RABGAP1L: variants seen among roughly 807,000 people sequenced by gnomAD.
RABGAP1L encodes the protein rab GTPase-activating protein 1-like.
RABGAP1L carries 63 observed loss-of-function variants against 137.7 expected under a neutral mutation model. That is an observed-to-expected ratio of 0.46 (90% CI 0.37 to 0.56). The LOEUF is 0.56. RABGAP1L is among the 20% of genes least tolerant of loss of function. The pLI is 0.00. For missense variants in RABGAP1L, 1,095 were observed against 1,244.0 expected (o/e 0.88, Z 1.80); for synonymous variants, 431 against 433.7 (o/e 0.99, Z 0.08).
At chr1:174,777,192 T>C (rs1256364388) in intron 18 of RABGAP1L, among the ~76,000 whole-genome samples, 1 of 152,230 alleles carries the variant, frequency 6.6e-6, no homozygotes, top group African/African-American at 2.4e-5. Flanking sequence ...AATAAGAATT[T>C]TTTTTCTTTT....
rs1281573171 is a variant in RABGAP1L, at chr1:174,667,259, T to C, written c.1825-16263T>C. Among the ~76,000 whole-genome samples, 6 of 152,102 alleles carry C rather than the reference T, an allele frequency of 3.9e-5. No individual in the cohort carries two copies. The East Asian group carries it at 1.2e-3, about 29-fold the overall frequency. On this transcript the variant is annotated intron_variant, in intron 14 of 25. Transcript: ENST00000681986. ...AGGATAGGATATCCTCCATCTCTATTGAAACCCAAGGCAAATCAGAACATA... is the reference window on the plus strand; with the variant it reads ...AGGATAGGATATCCTCCATCTCTATCGAAACCCAAGGCAAATCAGAACATA...
intron 4 of RABGAP1L, among the ~76,000 whole-genome samples, chr1:174,239,113 G>A (rs1671539723): frequency 6.6e-6 from 1 of 152,128 alleles, no homozygotes; most frequent in Non-Finnish European, 1.5e-5. Context: ...GCAATGCCTC[G>A]CCCTGCTTCG....
At chr1:174,170,671 C>CAAAAAAAAAAAAAAAAAAAAAAAAA (rs35800051) in intron 1 of RABGAP1L, among the ~76,000 whole-genome samples, 1 of 85,360 alleles carries the variant, frequency 1.2e-5, no homozygotes. Flanking sequence ...GACGCTGTTT[C>CAAAAAAAAAAAAAAAAAAAAAAAAA]AAAAAAAAAA....
chr1:174,469,242 A>G (rs978390791), intron 13 of RABGAP1L, among the ~76,000 whole-genome samples: 3 of 152,172 alleles, frequency 2.0e-5, no homozygotes, highest in African/African-American at 7.2e-5. Context: ...GTATATGAAT[A>G]TATTGCTGAC....
chr1:174,638,352 T>C (rs1266642580), intron 14 of RABGAP1L, among the ~76,000 whole-genome samples: 1 of 152,200 alleles, frequency 6.6e-6, no homozygotes, highest in African/African-American at 2.4e-5. Context: ...ATTTACTGTT[T>C]TTTAAAAACA....
intron 13 of RABGAP1L, among the ~76,000 whole-genome samples, chr1:174,475,701 T>C (rs747203607): frequency 4.8e-5 from 7 of 144,550 alleles, no homozygotes; most frequent in Admixed American, 2.9e-4. Flanking sequence ...AGCCCAGAAG[T>C]TCAAGGCTGC....
chr1:174,183,566 C>T (rs1666553105), intron 1 of RABGAP1L, among the ~76,000 whole-genome samples: 1 of 152,232 alleles, frequency 6.6e-6, no homozygotes, highest in Non-Finnish European at 1.5e-5. Context: ...GACATTCATA[C>T]ATCAGGGTAG....
At chr1:174,214,684 A>G (rs756814534) in intron 1 of RABGAP1L, among the ~76,000 whole-genome samples, 7 of 152,208 alleles carry the variant, frequency 4.6e-5, no homozygotes, top group Non-Finnish European at 7.3e-5. Flanking sequence ...ATAAATCTGT[A>G]CATCTATGGT....
chr1:174,577,629 T>C (rs2148073551), intron 13 of RABGAP1L, among the ~76,000 whole-genome samples: 1 of 152,324 alleles, frequency 6.6e-6, no homozygotes, highest in South Asian at 2.1e-4. Flanking sequence ...AGTTTCCTAG[T>C]AGCTATAGGC....
intron 1 of RABGAP1L, among the ~76,000 whole-genome samples, chr1:174,174,485 C>A (rs1571370138): frequency 6.6e-6 from 1 of 152,102 alleles, no homozygotes; most frequent in African/African-American, 2.4e-5. Flanking sequence ...ATTATGGAGG[C>A]TGAGAAATCC....
intron 18 of RABGAP1L, among the ~76,000 whole-genome samples, chr1:174,762,942 A>AT (rs1216106439): frequency 6.6e-6 from 1 of 150,762 alleles, no homozygotes; most frequent in African/African-American, 2.4e-5. Context: ...AGCCTCTGGA[A>AT]TAGCTGGGAC....
intron 13 of RABGAP1L, among the ~76,000 whole-genome samples, chr1:174,424,265 T>C (rs1651692350): frequency 6.6e-6 from 1 of 152,138 alleles, no homozygotes; most frequent in African/African-American, 2.4e-5. Flanking sequence ...AATACCAACC[T>C]TTATGTGCCT....
chr1:174,901,069 C>G (rs908496694), intron 19 of RABGAP1L, among the ~76,000 whole-genome samples: 4 of 151,998 alleles, frequency 2.6e-5, no homozygotes, highest in Non-Finnish European at 4.4e-5. Flanking sequence ...AATTCTTTCC[C>G]CTCTTTGGTC....
At chr1:174,878,121 T>C (rs980048982) in intron 19 of RABGAP1L, among the ~76,000 whole-genome samples, 2 of 152,158 alleles carry the variant, frequency 1.3e-5, no homozygotes, top group African/African-American at 4.8e-5. Context: ...GTGCATGTCC[T>C]GGCATAATCA....
At chr1:174,167,571 AGAAAG>A (rs1200367457) in intron 1 of RABGAP1L, among the ~76,000 whole-genome samples, 1 of 152,212 alleles carries the variant, frequency 6.6e-6, no homozygotes, top group Non-Finnish European at 1.5e-5. Flanking sequence ...CCCAATTTCA[AGAAAG>A]GAGCACATTT....
At chr1:174,481,438 CTA>C (rs1269200034) in intron 13 of RABGAP1L, among the ~76,000 whole-genome samples, 1 of 152,192 alleles carries the variant, frequency 6.6e-6, no homozygotes, top group African/African-American at 2.4e-5. Flanking sequence ...CCCCCACCCT[CTA>C]TACTCGTCTC....
At chr1:174,989,718 C>A in intron 25 of RABGAP1L, 131 bp from the exon 26 acceptor site, 1 of 919,790 alleles carries the variant, frequency 1.1e-6, no homozygotes, top group Non-Finnish European at 1.6e-6. Flanking sequence ...CCAATTCAAT[C>A]TCTCCTGGGT....
chr1:174,596,923 T>G (rs539399377), intron 13 of RABGAP1L, among the ~76,000 whole-genome samples: 1 of 152,312 alleles, frequency 6.6e-6, no homozygotes, highest in African/African-American at 2.4e-5. Context: ...AATTTAATCA[T>G]GAAGAGATGG....
intron 15 of RABGAP1L, among the ~76,000 whole-genome samples, chr1:174,694,865 T>C (rs1679132808): frequency 6.6e-6 from 1 of 151,606 alleles, no homozygotes; most frequent in East Asian, 1.9e-4. Context: ...GCACCTGTTG[T>C]TTCCTGACTT....
Sources: allele counts gnomAD v4.1 joint callset (sites outside exome capture counted in the v4.1 genomes callset), GRCh38; gene constraint gnomAD v4.1.1; transcripts MANE v1.5; gene names NCBI Gene and HGNC (gene_info 2026-07-23, HGNC 2026-07-21).